The following MYT1 variants were observed in gnomAD, a reference collection of about 807,000 sequenced individuals.
MYT1 encodes the protein myelin transcription factor I.
Under a neutral mutation model 123.0 loss-of-function variants are expected in MYT1, and 23 were observed. That is an observed-to-expected ratio of 0.19 (90% CI 0.13 to 0.26). The LOEUF (loss-of-function observed/expected upper bound fraction) is 0.26. Among genes scored for constraint, MYT1 ranks in the 10% least tolerant of loss-of-function variants. The pLI is 1.00. For synonymous variants in MYT1, 518 were observed against 575.3 expected (o/e 0.90, Z 1.43); for missense variants, 1,125 against 1,472.5 (o/e 0.76, Z 3.86).
At chr20:64,205,234 C>A in intron 5 of MYT1, 137 bp downstream of exon 5, 1 of 1,060,478 alleles carries the variant, frequency 9.4e-7, no homozygotes, top group Non-Finnish European at 1.4e-6. Context: ...GAGGCAGCGA[C>A]CTCCCACTCT....
chr20:64,235,809 T>C lies in MYT1; in HGVS notation c.2898-746T>C, dbSNP rs186915404. Among the ~76,000 whole-genome samples, 489 of 52,330 alleles carry C rather than the reference T, an allele frequency of 9.3e-3. 31 individuals are homozygous for C. Among genetic ancestry groups the C allele is most frequent in the African/African-American group, 0.024 (187 of 7,928 alleles). 34.3% of individuals were successfully genotyped at this position (52,330 alleles called of 152,430 possible). ...CTGTGGTGGGTGACACTGGGCTGGC[T>C]GTGGTGGGTGACACTGGGCTGGCTG... On this transcript the variant is annotated intron_variant, in intron 19 of 22. Transcript: ENST00000328439.
intron 7 of MYT1, among the ~76,000 whole-genome samples, chr20:64,209,988 G>A (rs1983618176): frequency 6.6e-6 from 1 of 152,214 alleles, no homozygotes; most frequent in Non-Finnish European, 1.5e-5. Flanking sequence ...AAGAGACACA[G>A]GCTGAAGGTG....
chr20:64,226,763 T>C (rs1175365694), intron 16 of MYT1, among the ~76,000 whole-genome samples: 2 of 152,274 alleles, frequency 1.3e-5, no homozygotes, highest in Non-Finnish European at 2.9e-5. Flanking sequence ...GTGTGTAAAG[T>C]TGGACTTTTG....
intron 14 of MYT1, 62 bp from the exon 15 acceptor site, chr20:64,223,049 G>C: frequency 6.3e-7 from 1 of 1,595,884 alleles, no homozygotes; most frequent in Non-Finnish European, 8.6e-7. Flanking sequence ...CGCAGAGCAG[G>C]CTCAGCCTGG....
At chr20:64,223,035 C>G in intron 14 of MYT1, 76 bp from the exon 15 acceptor site, 2 of 1,555,836 alleles carry the variant, frequency 1.3e-6, no homozygotes, top group Middle Eastern at 3.4e-4. Context: ...GCACCAGTCT[C>G]CCTCGCAGAG....
chr20:64,169,343 G>A (rs1009908546), intron 1 of MYT1, among the ~76,000 whole-genome samples: 5 of 152,222 alleles, frequency 3.3e-5, no homozygotes, highest in Non-Finnish European at 7.3e-5. Context: ...CCCCAATCCC[G>A]GTGTGCGCCT....
rs878864368 is a variant in MYT1, at chr20:64,236,482, G to A, written c.2898-73G>A. Reference sequence around the variant, plus strand: ...CGTGGTATGTGACCCTGGGCTGGCCGTGGTATGTGACCCTGGGATGGTCGT... The same window carrying A: ...CGTGGTATGTGACCCTGGGCTGGCCATGGTATGTGACCCTGGGATGGTCGT... On this transcript the variant is annotated intron_variant, in intron 19 of 22. Coordinates refer to ENST00000328439, the MANE Select transcript of MYT1 (RefSeq NM_004535.3). 110 of 1,209,028 alleles carry A rather than the reference G, an allele frequency of 9.1e-5. No homozygotes were observed. The South Asian group carries it at 1.1e-3, about 12-fold the overall frequency. The allele number at this position is 1,209,028 out of a possible 1,614,324, so 74.9% of individuals were successfully genotyped here. A position where few individuals can be genotyped will look rare whatever the true frequency, so the allele number is the denominator to read the frequency against.
chr20:64,200,246 A>G (rs1983256743), intron 4 of MYT1, among the ~76,000 whole-genome samples: 1 of 152,128 alleles, frequency 6.6e-6, no homozygotes, highest in Non-Finnish European at 1.5e-5. Context: ...CTCTTACCGG[A>G]CCCTCACAAG....
chr20:64,232,356 C>T lies in MYT1; in HGVS notation c.2868C>T (p.His956=), dbSNP rs144371248. The change falls in exon 19 of 23, where the codon CAC becomes CAT. Residue 956 remains histidine, a synonymous_variant. Transcript: ENST00000328439. The surrounding 1 kb of genome is among the most constrained non-coding windows in gnomAD (Gnocchi z 6.9). ...CCCCGGGCTGTGACGGCTCTGGCCA[C>T]GCCAATGGGAGTTTCCTCACCCACC... The part of the protein sequence containing the change: ...CPTPGCDGSG[H]ANGSFLTHRS... The T allele has an allele frequency of 1.0e-4, 168 of 1,612,906 alleles. No individual in the cohort carries two copies. The highest frequency in any genetic ancestry group is 7.3e-4 in the African/African-American group (55 of 74,938).
chr20:64,165,646 A>G (rs1982058273), intron 1 of MYT1, among the ~76,000 whole-genome samples: 1 of 152,120 alleles, frequency 6.6e-6, no homozygotes, highest in Non-Finnish European at 1.5e-5. Flanking sequence ...GAATCAGTGG[A>G]CACCATTGGC....
In MYT1 at chr20:64,213,572, C is replaced by T; in HGVS notation, c.1556C>T (p.Ala519Val). 6.2e-7 allele frequency: 1 copy of T among 1,614,090 alleles called. No individual in the cohort carries two copies. Residue 519 changes from alanine (A) to valine (V), a missense_variant, in exon 10 of 23, where the codon GCC becomes GTC. By Grantham distance (64) the Ala-to-Val change is moderately conservative (BLOSUM62 0). Around this residue, in one of 4 missense-constraint regions of MYT1, gnomAD observed 429 missense variants for 604.1 expected, o/e 0.71. Coordinates refer to ENST00000328439, the MANE Select transcript of MYT1 (RefSeq NM_004535.3). This position sits in a 1 kb window ranked among gnomAD's most constrained non-coding sequence, Gnocchi z 5.6. ...GCPIAAAEKL[A>V]KSHEKQQPQT... ...CCCATTGCTGCCGCCGAAAAATTAG[C>T]CAAATCCCATGAGAAGCAGCAGCCG...
chr20:64,182,737 A>G (rs1343591124), intron 1 of MYT1, among the ~76,000 whole-genome samples: 2 of 152,144 alleles, frequency 1.3e-5, no homozygotes, highest in Non-Finnish European at 2.9e-5. Context: ...GTTGAGGCGC[A>G]GCGGTCCAGA....
intron 16 of MYT1, among the ~76,000 whole-genome samples, chr20:64,225,717 G>A (rs1269393407): frequency 6.6e-6 from 1 of 152,158 alleles, no homozygotes. Flanking sequence ...TCCTGCAGCT[G>A]ACCCTGGGGG....
At chr20:64,216,964 C>T (rs972323581) in intron 10 of MYT1, 103 bp from the exon 11 acceptor site, 28 of 1,072,198 alleles carry the variant, frequency 2.6e-5, no homozygotes, top group East Asian at 7.2e-5. Context: ...CCTCACCAGA[C>T]GCTGTGAGGC....
At position 64,177,175 on chromosome 20, in the gene MYT1, G is replaced by T. The variant is rs538987265; in HGVS notation, c.-99+12436G>T. ...TTGGAGAGATTAGAGGACATGGCTT[G>T]CATTTGGCTTTTATTGAATAGAGAA... On this transcript the variant is annotated intron_variant, in intron 1 of 22. Coordinates refer to ENST00000328439, the MANE Select transcript of MYT1 (RefSeq NM_004535.3). 7.2e-5 allele frequency among the ~76,000 whole-genome samples: 11 copies of T among 152,290 alleles called. No individual in the cohort carries two copies. In the East Asian group the frequency reaches 1.9e-3, roughly 27 times the overall value.
At chr20:64,223,005 C>T (rs1048337558) in intron 14 of MYT1, 106 bp from the exon 15 acceptor site, 33 of 1,300,534 alleles carry the variant, frequency 2.5e-5, no homozygotes, top group African/African-American at 5.8e-5. Context: ...CCGCTTGGCT[C>T]GCGGGTGAGC....
chr20:64,215,928 T>C (rs777155588), intron 10 of MYT1, among the ~76,000 whole-genome samples: 5 of 152,158 alleles, frequency 3.3e-5, no homozygotes, highest in Admixed American at 6.5e-5. Flanking sequence ...TTTTCCCTCC[T>C]GGCCTCACTC....
intron 1 of MYT1, among the ~76,000 whole-genome samples, chr20:64,165,211 A>C (rs1982045275): frequency 6.6e-6 from 1 of 151,994 alleles, no homozygotes; most frequent in South Asian, 2.1e-4. Context: ...ACCCCCACCC[A>C]AGGTACTGAG....
rs766670557 is a variant in MYT1 at position 64,237,256 on chromosome 20, A to C, written c.2990-31A>C. On this transcript the variant is annotated intron_variant, in intron 20 of 22. Coordinates refer to ENST00000328439, the MANE Select transcript of MYT1 (RefSeq NM_004535.3). The stretch of plus-strand genomic sequence containing the variant: ...TTGGCCCAGGCCTGCCTGAGGCCCA[A>C]AGCCACAACTGAGGTTTCTCTCTGG... The C allele has an allele frequency of 1.9e-6, 3 of 1,593,318 alleles. No individual in the cohort carries two copies. The East Asian group carries it at 6.8e-5, about 36-fold the overall frequency.
Sources: allele counts gnomAD v4.1 joint callset (sites outside exome capture counted in the v4.1 genomes callset), GRCh38; gene constraint gnomAD v4.1.1; regional missense constraint gnomAD v4.1.1; non-coding constraint Gnocchi (gnomAD v3.1); transcripts MANE v1.5; gene names NCBI Gene and HGNC (gene_info 2026-07-23, HGNC 2026-07-21).